IPO8: variants seen among roughly 807,000 people sequenced by gnomAD.
IPO8 encodes importin-8.
Under a neutral mutation model 141.2 loss-of-function variants are expected in IPO8, and 65 were observed. The ratio of observed to expected loss-of-function variants is 0.46; its 90% CI spans 0.38 to 0.57. The LOEUF (loss-of-function observed/expected upper bound fraction) is 0.57. IPO8 is among the 20% of genes least tolerant of loss of function. IPO8 has a pLI of 0.00. For missense variants in IPO8, 980 were observed against 1,246.8 expected (o/e 0.79, Z 3.22); for synonymous variants, 411 against 420.3 (o/e 0.98, Z 0.27).
intron 14 of IPO8, 113 bp downstream of exon 14, chr12:30,663,376 C>G: frequency 7.0e-6 from 6 of 858,894 alleles, no homozygotes; most frequent in Non-Finnish European, 1.1e-5. Flanking sequence ...TCTGAGAGGG[C>G]AAAACCTCAG....
chr12:30,649,953 T>C (rs918270971), intron 19 of IPO8, among the ~76,000 whole-genome samples: 1 of 151,428 alleles, frequency 6.6e-6, no homozygotes, highest in Non-Finnish European at 1.5e-5. Flanking sequence ...AGAAAAAGAA[T>C]AGACTTAAAG....
rs2052548572 is a variant in IPO8 at position 30,639,535 on chromosome 12, A to G, written c.2469T>C (p.Asn823=). Residue 823 remains asparagine (N), a synonymous_variant, in exon 21 of 25, where the codon AAT becomes AAC. Transcript: ENST00000256079. The part of the protein sequence containing the change: ...ITVQFINQWM[N]DTDCFLGHHD... ...CATACCCAAGAAAACAATCTGTATC[A>G]TTCATCCATTGATTTATAAACTGTA... 1 of 1,611,756 alleles carries G rather than the reference A, an allele frequency of 6.2e-7. No individual in the cohort carries two copies. Among genetic ancestry groups the G allele is most frequent in the Non-Finnish European group, 8.5e-7 (1 of 1,177,810 alleles).
At chr12:30,679,981 T>C (rs914502310) in intron 5 of IPO8, among the ~76,000 whole-genome samples, 2 of 152,080 alleles carry the variant, frequency 1.3e-5, no homozygotes, top group African/African-American at 4.8e-5. Flanking sequence ...CCTTATAGCA[T>C]TCAGATTTTT....
chr12:30,636,959 T>G (rs534092100), intron 22 of IPO8, 23 bp downstream of exon 22: 1 of 1,575,774 alleles, frequency 6.3e-7, no homozygotes, highest in African/African-American at 1.3e-5. Flanking sequence ...ATTGTAACAT[T>G]AATTTCAATT....
chr12:30,640,147 T>A (rs994343506), intron 20 of IPO8, among the ~76,000 whole-genome samples: 1 of 152,184 alleles, frequency 6.6e-6, no homozygotes, highest in African/African-American at 2.4e-5. Context: ...GTAATCAGAT[T>A]GTTTTTGAGA....
At chr12:30,677,788 C>A (rs1390439647) in intron 5 of IPO8, among the ~76,000 whole-genome samples, 1 of 152,068 alleles carries the variant, frequency 6.6e-6, no homozygotes, top group African/African-American at 2.4e-5. Context: ...TACAGTTGTA[C>A]AACATGTTAA....
In IPO8 at chr12:30,661,172, G is replaced by C. The variant is rs1338247988; in HGVS notation, c.1850C>G (p.Thr617Ser). The C allele has an allele frequency of 6.3e-7, 1 of 1,589,534 alleles. No homozygotes were observed. Among genetic ancestry groups the C allele is most frequent in the East Asian group, 2.3e-5 (1 of 43,266 alleles). The stretch of plus-strand genomic sequence containing the variant: ...ATGATCTTCTACAACTGTTAAGATA[G>C]TATCAATGGTATGTAAAATTCCCAT... Reference protein sequence around the residue: ...MAMGILHTIDTILTVVEDHKE... With the variant: ...MAMGILHTIDSILTVVEDHKE... Residue 617 changes from threonine to serine, a missense_variant, in exon 16 of 25, where the codon ACT (threonine) becomes AGT (serine). Thr to Ser is a moderately conservative substitution (Grantham distance 58). Around this residue, in one of 3 missense-constraint regions of IPO8, gnomAD observed 924 missense variants for 1,153.9 expected, o/e 0.80. Transcript: ENST00000256079.
At chr12:30,658,305 T>G (rs2052829371) in intron 16 of IPO8, among the ~76,000 whole-genome samples, 2 of 152,252 alleles carry the variant, frequency 1.3e-5, no homozygotes. Context: ...AAGGAAATAT[T>G]GTTTTCAAAG....
rs2052919446 is a variant in IPO8 at position 30,663,597 on chromosome 12, T to C, written c.1486A>G (p.Arg496Gly). 2 of 1,613,412 alleles carry C rather than the reference T, an allele frequency of 1.2e-6. No individual in the cohort carries two copies. The highest frequency in any genetic ancestry group is 1.7e-5 in the Admixed American group (1 of 60,006). The change falls in exon 14 of 25, where the codon AGA becomes GGA. Residue 496 changes from arginine (R) to glycine (G), a missense_variant. Arg to Gly is a moderately radical substitution (Grantham distance 125). This residue lies in a region of IPO8 where 924 missense variants were observed against 1,153.9 expected (regional missense o/e 0.80). Coordinates refer to ENST00000256079, the MANE Select transcript of IPO8 (RefSeq NM_006390.4). ...SLKFHNELNL[R>G]NAVELAKKSL... ...TTCTTCGCTAATTCAACGGCATTTC[T>C]TAGATTGAGCTCATTATGGAACTTC...
chr12:30,666,137 A>G (rs2052961740), intron 11 of IPO8, 38 bp downstream of exon 11: 1 of 1,276,576 alleles, frequency 7.8e-7, no homozygotes. Context: ...AACACAGGCC[A>G]CCTTTCAGTT....
At position 30,662,748 on chromosome 12, in the gene IPO8, C is replaced by G. The variant is rs1451912163; in HGVS notation, c.1595-261G>C. On this transcript the variant is annotated intron_variant, in intron 14 of 24. Coordinates refer to ENST00000256079, the MANE Select transcript of IPO8 (RefSeq NM_006390.4). ...AAACTATCCCAAAATACTAATAGCC[C>G]CCACTGAGAAATTCTAATTATACAT... Among the ~76,000 whole-genome samples, 4 of 152,034 alleles carry G rather than the reference C, an allele frequency of 2.6e-5. No homozygotes were observed. The East Asian group carries it at 7.7e-4, about 29-fold the overall frequency.
intron 20 of IPO8, among the ~76,000 whole-genome samples, chr12:30,643,750 A>T (rs2052604307): frequency 6.6e-6 from 1 of 152,228 alleles, no homozygotes; most frequent in South Asian, 2.1e-4. Flanking sequence ...CTTCGCATAC[A>T]TCCACTTCCC....
intron 22 of IPO8, among the ~76,000 whole-genome samples, chr12:30,636,506 C>T (rs1018141504): frequency 6.6e-6 from 1 of 152,016 alleles, no homozygotes; most frequent in Non-Finnish European, 1.5e-5. Context: ...GGACGTCTCT[C>T]AAATGTAATT....
intron 2 of IPO8, among the ~76,000 whole-genome samples, chr12:30,689,084 A>G (rs2136175884): frequency 6.6e-6 from 1 of 152,250 alleles, no homozygotes; most frequent in East Asian, 1.9e-4. Flanking sequence ...TCAAGGGTAC[A>G]TGGTTAAATG....
chr12:30,647,947 A>C (rs1353569528), intron 20 of IPO8, among the ~76,000 whole-genome samples: 2 of 152,204 alleles, frequency 1.3e-5, no homozygotes, highest in Non-Finnish European at 2.9e-5. Flanking sequence ...ACTACTTCAC[A>C]AATGAAATAA....
intron 8 of IPO8, among the ~76,000 whole-genome samples, chr12:30,672,986 G>A (rs2053072368): frequency 6.6e-6 from 1 of 152,090 alleles, no homozygotes; most frequent in African/African-American, 2.4e-5. Flanking sequence ...GCCGGGCACG[G>A]TGATTCACAC....
rs12320192 is a variant in IPO8 at position 30,671,542 on chromosome 12, C to T, written c.910-446G>A. 7.6e-3 allele frequency among the ~76,000 whole-genome samples: 1,149 copies of T among 151,816 alleles called. 11 individuals carry two copies. Among genetic ancestry groups the T allele is most frequent in the African/African-American group, 0.027 (1,102 of 41,400 alleles). ...CAAAAAAATTAGCCGGGCGTGGTGGCGGGTGCCTGTAGTCCCAGCTACTGG... is the reference window on the plus strand; with the variant it reads ...CAAAAAAATTAGCCGGGCGTGGTGGTGGGTGCCTGTAGTCCCAGCTACTGG... On this transcript the variant is annotated intron_variant, in intron 8 of 24. Coordinates refer to ENST00000256079, the MANE Select transcript of IPO8 (RefSeq NM_006390.4).
chr12:30,667,589 A>G (rs2052984663), intron 10 of IPO8, among the ~76,000 whole-genome samples: 1 of 152,256 alleles, frequency 6.6e-6, no homozygotes, highest in Non-Finnish European at 1.5e-5. Context: ...ATGGTTACCC[A>G]AAAGTAAAAT....
At chr12:30,665,403 T>C (rs1384340303) in intron 12 of IPO8, 94 bp from the exon 13 acceptor site, 2 of 758,386 alleles carry the variant, frequency 2.6e-6, no homozygotes, top group East Asian at 2.6e-5. Context: ...GCATTTAATA[T>C]ACTTCTAATT....
Sources: allele counts gnomAD v4.1 joint callset (sites outside exome capture counted in the v4.1 genomes callset), GRCh38; gene constraint gnomAD v4.1.1; regional missense constraint gnomAD v4.1.1; transcripts MANE v1.5; gene names NCBI Gene and HGNC (gene_info 2026-07-23, HGNC 2026-07-21).